ROBO2: variants seen among roughly 807,000 people sequenced by gnomAD.
ROBO2 encodes the protein roundabout homolog 2.
In ROBO2, 53 loss-of-function variants were observed where a neutral mutation model predicts 160.8. The observed-to-expected ratio is 0.33, with a 90% confidence interval of 0.26 to 0.41. The LOEUF (loss-of-function observed/expected upper bound fraction) is 0.41, where lower values mean the gene tolerates loss of function less well. ROBO2 is among the 10% of genes least tolerant of loss of function. ROBO2 has a pLI of 1.00. For synonymous variants in ROBO2, 664 were observed against 611.7 expected (o/e 1.09, Z -1.26); for missense variants, 1,577 against 1,722.4 (o/e 0.92, Z 1.49).
chr3:77,050,795 G>A (rs2065153807), intron 1 of ROBO2, among the ~76,000 whole-genome samples: 1 of 150,544 alleles, frequency 6.6e-6, no homozygotes, highest in Admixed American at 6.6e-5. Flanking sequence ...GATCTCTTGA[G>A]CCCATGAGTT....
intron 2 of ROBO2, among the ~76,000 whole-genome samples, chr3:76,026,636 TAAAC>T (rs1472628824): frequency 1.3e-5 from 2 of 151,984 alleles, no homozygotes. Context: ...GATAAAGTAA[TAAAC>T]AAAAGTACAT....
intron 2 of ROBO2, among the ~76,000 whole-genome samples, chr3:76,152,879 T>C (rs2072262839): frequency 6.6e-6 from 1 of 152,154 alleles, no homozygotes; most frequent in Admixed American, 6.6e-5. Context: ...AAATTGAGAC[T>C]CCAAAATCGA....
At chr3:76,766,552 C>T (rs2061586324) in intron 2 of ROBO2, among the ~76,000 whole-genome samples, 1 of 151,594 alleles carries the variant, frequency 6.6e-6, no homozygotes, top group African/African-American at 2.4e-5. Context: ...CAAGATAAAG[C>T]AGTAACATTT....
chr3:76,295,061 A>G (rs958169455), intron 2 of ROBO2, among the ~76,000 whole-genome samples: 1 of 152,116 alleles, frequency 6.6e-6, no homozygotes, highest in African/African-American at 2.4e-5. Flanking sequence ...AATAAGGTCA[A>G]TTTTAAGTGT....
chr3:76,421,782 A>G (rs1212605619), intron 2 of ROBO2, among the ~76,000 whole-genome samples: 4 of 152,184 alleles, frequency 2.6e-5, no homozygotes, highest in Non-Finnish European at 5.9e-5. Context: ...AAATAAAATA[A>G]TAATGTGGGA....
intron 2 of ROBO2, among the ~76,000 whole-genome samples, chr3:77,447,756 C>A (rs755463717): frequency 7.2e-5 from 11 of 152,084 alleles, no homozygotes; most frequent in East Asian, 1.9e-4. Context: ...TTAAAAAGTT[C>A]TAGTGCACAA....
At chr3:77,253,673 A>C (rs2153311139) in intron 2 of ROBO2, among the ~76,000 whole-genome samples, 1 of 152,294 alleles carries the variant, frequency 6.6e-6, no homozygotes, top group East Asian at 1.9e-4. Flanking sequence ...TTTGTCAATG[A>C]GAAATACCAA....
intron 2 of ROBO2, among the ~76,000 whole-genome samples, chr3:76,894,635 T>A (rs918752789): frequency 5.9e-5 from 9 of 152,138 alleles, no homozygotes; most frequent in African/African-American, 2.2e-4. Context: ...AGTCAGTAAG[T>A]TATCATAGTT....
chr3:76,931,791 C>T (rs2077362579), intron 2 of ROBO2, among the ~76,000 whole-genome samples: 1 of 152,138 alleles, frequency 6.6e-6, no homozygotes, highest in Non-Finnish European at 1.5e-5. Flanking sequence ...AAGCGATTCT[C>T]CTGCCTCAGT....
At chr3:76,917,875 G>C (rs1226900679) in intron 2 of ROBO2, among the ~76,000 whole-genome samples, 1 of 152,162 alleles carries the variant, frequency 6.6e-6, no homozygotes, top group African/African-American at 2.4e-5. Flanking sequence ...ATGAGGAAAA[G>C]AGAGAAGAGA....
intron 2 of ROBO2, among the ~76,000 whole-genome samples, chr3:77,422,672 G>T (rs546198181): frequency 6.6e-6 from 1 of 152,100 alleles, no homozygotes; most frequent in Non-Finnish European, 1.5e-5. Context: ...ACATTTATTT[G>T]ACCTCCCCTG....
chr3:76,995,905 T>C (rs1227078276), intron 2 of ROBO2, among the ~76,000 whole-genome samples: 1 of 152,200 alleles, frequency 6.6e-6, no homozygotes, highest in Non-Finnish European at 1.5e-5. Context: ...GTAGGTTGCC[T>C]GTTCACTCTG....
At chr3:77,277,436 C>T (rs1441265051) in intron 2 of ROBO2, among the ~76,000 whole-genome samples, 1 of 151,922 alleles carries the variant, frequency 6.6e-6, no homozygotes, top group Non-Finnish European at 1.5e-5. Context: ...GCTATTCTTC[C>T]AGATGATGTC....
intron 2 of ROBO2, among the ~76,000 whole-genome samples, chr3:76,072,082 A>G (rs1008536608): frequency 6.6e-6 from 1 of 152,192 alleles, no homozygotes; most frequent in Non-Finnish European, 1.5e-5. Context: ...TTCTCAAAAC[A>G]CTTGTCATTT....
chr3:76,710,467 T>C (rs1441820134), intron 2 of ROBO2, among the ~76,000 whole-genome samples: 1 of 152,168 alleles, frequency 6.6e-6, no homozygotes, highest in Non-Finnish European at 1.5e-5. Flanking sequence ...TAAGAAAAGA[T>C]AAGAAGACAT....
At chr3:77,143,711 G>A (rs7647878) in intron 2 of ROBO2, among the ~76,000 whole-genome samples, 11,626 of 151,822 alleles carry the variant, frequency 0.077, 1,038 homozygotes, top group East Asian at 0.21. Flanking sequence ...TATTTTTCTC[G>A]CTTGAAATCA....
chr3:76,734,005 A>G (rs1174536073), intron 2 of ROBO2, among the ~76,000 whole-genome samples: 1 of 152,142 alleles, frequency 6.6e-6, no homozygotes, highest in Non-Finnish European at 1.5e-5. Context: ...GAGACCACAG[A>G]GGGCATCTTT....
chr3:77,145,595 T>C (rs2077056256), intron 2 of ROBO2, among the ~76,000 whole-genome samples: 1 of 152,166 alleles, frequency 6.6e-6, no homozygotes, highest in Non-Finnish European at 1.5e-5. Flanking sequence ...AAGCAAACTA[T>C]AGAACTATGA....
rs558544752 is a variant in ROBO2 at position 76,300,163 on chromosome 3, A to G, written c.109+362561A>G. Among the ~76,000 whole-genome samples, 13 of 152,206 alleles carry G rather than the reference A, an allele frequency of 8.5e-5. 1 individual carries two copies. In the South Asian group the frequency reaches 2.7e-3, roughly 32 times the overall value. ...GTGTTCTTATTCATGGGCTGTGGGAAAGAATTCATTTGCAGGTTGATTCAG... is the reference window on the plus strand; with the variant it reads ...GTGTTCTTATTCATGGGCTGTGGGAGAGAATTCATTTGCAGGTTGATTCAG... On this transcript the variant is annotated intron_variant, in intron 2 of 26. Transcript: ENST00000487694.
Sources: allele counts gnomAD v4.1 joint callset (sites outside exome capture counted in the v4.1 genomes callset), GRCh38; gene constraint gnomAD v4.1.1; transcripts MANE v1.5; gene names NCBI Gene and HGNC (gene_info 2026-07-23, HGNC 2026-07-21).